BOC: variants seen among roughly 807,000 people sequenced by gnomAD.
BOC encodes brother of CDO.
In BOC, 76 loss-of-function variants were observed where a neutral mutation model predicts 112.0. The ratio of observed to expected loss-of-function variants is 0.68; its 90% confidence interval spans 0.56 to 0.82. BOC has a LOEUF of 0.82. Among genes scored for constraint, BOC ranks in the 40% least tolerant of loss-of-function variants. The pLI is 0.00. For missense variants in BOC, 1,309 were observed against 1,511.7 expected (o/e 0.87, Z 2.22); for synonymous variants, 580 against 599.8 (o/e 0.97, Z 0.48).
At chr3:113,271,102 G>T (rs1457372910) in intron 6 of BOC, 158 bp downstream of exon 6, 1 of 1,089,548 alleles carries the variant, frequency 9.2e-7, no homozygotes, top group Non-Finnish European at 1.4e-6. Context: ...CTCAGCCAGG[G>T]ATTCTCTCCC....
chr3:113,271,659 G>T (rs1948137750), intron 6 of BOC: 1 of 171,244 alleles, frequency 5.8e-6, no homozygotes, highest in Admixed American at 5.4e-5. Flanking sequence ...CTCCGAAACT[G>T]TATAAATTTC....
intron 4 of BOC, among the ~76,000 whole-genome samples, chr3:113,258,582 A>T (rs1946479993): frequency 6.6e-6 from 1 of 152,242 alleles, no homozygotes; most frequent in South Asian, 2.1e-4. Context: ...TGGCTTGGGC[A>T]TCAGGGAATC....
intron 2 of BOC, among the ~76,000 whole-genome samples, chr3:113,226,139 T>G (rs1385903952): frequency 2.6e-5 from 4 of 152,044 alleles, no homozygotes; most frequent in Non-Finnish European, 5.9e-5. Flanking sequence ...TTTCCTAATG[T>G]GGGGGGAATG....
intron 2 of BOC, among the ~76,000 whole-genome samples, chr3:113,237,300 T>G (rs1363342812): frequency 1.3e-5 from 2 of 152,156 alleles, no homozygotes; most frequent in Non-Finnish European, 2.9e-5. Flanking sequence ...ACATCTCTGC[T>G]CCCATCCCCC....
rs754727701 is a variant in BOC, at chr3:113,278,068, G to A, written c.1543-27G>A. The A allele has an allele frequency of 3.4e-5, 55 of 1,613,018 alleles. No homozygotes were observed. The highest frequency in any genetic ancestry group is 9.3e-5 in the African/African-American group (7 of 75,002). Reference sequence around the variant, plus strand: ...ACTCGTAGCCCGAGGCTGAGATGCCGGTCTTTATACCAGCTACCTTCTCCA... The same window carrying A: ...ACTCGTAGCCCGAGGCTGAGATGCCAGTCTTTATACCAGCTACCTTCTCCA... On this transcript the variant is annotated intron_variant, in intron 9 of 19. Coordinates refer to ENST00000682979, the MANE Select transcript of BOC (RefSeq NM_001378074.1). The surrounding 1 kb of genome is among the most constrained non-coding windows in gnomAD (Gnocchi z 4.2).
rs1033720946 is a variant in BOC, at chr3:113,287,289, G to A, written c.*427G>A. 3.9e-5 allele frequency: 12 copies of A among 304,996 alleles called. No individual in the cohort carries two copies. The highest frequency in any genetic ancestry group is 2.0e-4 in the African/African-American group (9 of 45,526). 18.9% of individuals were successfully genotyped at this position (304,996 alleles called of 1,614,324 possible). On this transcript the variant is annotated 3_prime_UTR_variant, in exon 20 of 20. Transcript: ENST00000682979. ...GACACCCACACAGATGGCTGGATCC[G>A]GTGCTACGGGAAACATTTTCCTAAG... is the stretch of plus-strand genomic sequence containing the variant.
At position 113,272,658 on chromosome 3, in the gene BOC, G is replaced by T. The variant is rs1948247274; in HGVS notation, c.916G>T (p.Gly306Trp). 6.2e-7 allele frequency: 1 copy of T among 1,613,748 alleles called. No individual in the cohort carries two copies. The highest frequency in any genetic ancestry group is 1.7e-5 in the Admixed American group (1 of 59,970). Reference protein sequence around the residue: ...TYRCMADNGVGQPGAAVILYN... With the variant: ...TYRCMADNGVWQPGAAVILYN... ...CCGCTGCATGGCCGACAATGGGGTT[G>T]GGCAGCCCGGGGCAGCGGTCATCCT... Residue 306 changes from glycine (G) to tryptophan (W), a missense_variant, in exon 7 of 20, where the codon GGG becomes TGG. Gly to Trp is a radical substitution (Grantham distance 184). Transcript: ENST00000682979.
intron 2 of BOC, among the ~76,000 whole-genome samples, chr3:113,235,823 T>C (rs1377942538): frequency 2.0e-5 from 3 of 152,224 alleles, no homozygotes; most frequent in Non-Finnish European, 4.4e-5. Flanking sequence ...GATGCAGGTG[T>C]GTAGGGTACG....
intron 2 of BOC, among the ~76,000 whole-genome samples, chr3:113,231,268 A>G (rs562783078): frequency 6.6e-6 from 1 of 152,338 alleles, no homozygotes; most frequent in South Asian, 2.1e-4. Context: ...TTTCCAAGGT[A>G]TTTAAAGCTA....
Position 113,229,343 on chromosome 3 carries a change from A to G in BOC, c.-82+13069A>G, listed in dbSNP as rs188842681. Among the ~76,000 whole-genome samples, 510 of 152,320 alleles carry G rather than the reference A, an allele frequency of 3.3e-3. 1 individual carries two copies. The highest frequency in any genetic ancestry group is 6.0e-3 in the Non-Finnish European group (408 of 68,030). On this transcript the variant is annotated intron_variant, in intron 2 of 19. Transcript: ENST00000682979. ...AGCTGCTGGCCTTGTTAAAGCAGTC[A>G]TTGGTGGCTTCTCAGGCTTTGATGT...
At chr3:113,217,079 G>C (rs2107581167) in intron 2 of BOC, among the ~76,000 whole-genome samples, 1 of 152,344 alleles carries the variant, frequency 6.6e-6, no homozygotes, top group East Asian at 1.9e-4. Context: ...AATGCTTGCT[G>C]TGTGCCTGGC....
At chr3:113,273,000 C>G in intron 7 of BOC, 69 bp from the exon 8 acceptor site, 1 of 1,527,208 alleles carries the variant, frequency 6.5e-7, no homozygotes, top group Non-Finnish European at 8.9e-7. Context: ...TAACTACATC[C>G]CTCCCAGCCC....
At chr3:113,238,594 C>T (rs987381710) in intron 2 of BOC, among the ~76,000 whole-genome samples, 1 of 152,152 alleles carries the variant, frequency 6.6e-6, no homozygotes, top group African/African-American at 2.4e-5. Flanking sequence ...ACGTAATAGT[C>T]CATCAATTAT....
In BOC at chr3:113,280,491, CAGTGGT is replaced by C. The variant is rs1287353261; in HGVS notation, c.2206-66_2206-61del. The C allele has an allele frequency of 3.0e-5, 34 of 1,118,116 alleles. No individual in the cohort carries two copies. The African/African-American group carries it at 4.3e-4, about 14-fold the overall frequency. The allele number at this position is 1,118,116 out of a possible 1,614,324, so 69.3% of individuals were successfully genotyped here. A position where few individuals can be genotyped will look rare whatever the true frequency, so the allele number is the denominator to read the frequency against. On this transcript the variant is annotated intron_variant, in intron 13 of 19. Transcript: ENST00000682979. ...GGACTGGGGTAGAACCTTCATACACCAGTGGTTTTGCTTTGATGATGTTTTCTCTGC... is the reference window on the plus strand; with the variant it reads ...GGACTGGGGTAGAACCTTCATACACCTTTGCTTTGATGATGTTTTCTCTGC...
intron 2 of BOC, among the ~76,000 whole-genome samples, chr3:113,238,310 T>C (rs144928557): frequency 1.6e-4 from 24 of 152,330 alleles, no homozygotes; most frequent in Non-Finnish European, 3.2e-4. Flanking sequence ...AGGCTTTGCA[T>C]TGGAATTTGA....
intron 4 of BOC, among the ~76,000 whole-genome samples, chr3:113,262,802 T>C (rs1947034260): frequency 6.6e-6 from 1 of 152,218 alleles, no homozygotes; most frequent in Admixed American, 6.5e-5. Flanking sequence ...GAGAATTGTG[T>C]TGGGACTTTT....
intron 4 of BOC, among the ~76,000 whole-genome samples, chr3:113,253,055 G>A (rs746891958): frequency 6.6e-6 from 1 of 152,118 alleles, no homozygotes; most frequent in Non-Finnish European, 1.5e-5. Context: ...ATTATAGAAT[G>A]TTTAGGATAT....
chr3:113,277,904 A>G (rs1948814341), intron 9 of BOC, among the ~76,000 whole-genome samples, 191 bp from the exon 10 acceptor site: 1 of 152,208 alleles, frequency 6.6e-6, no homozygotes, highest in African/African-American at 2.4e-5. Context: ...CCTGACTTGA[A>G]TGTCCCAGTG....
intron 2 of BOC, among the ~76,000 whole-genome samples, chr3:113,235,043 GA>G (rs1943235388): frequency 6.6e-6 from 1 of 152,212 alleles, no homozygotes; most frequent in South Asian, 2.1e-4. Context: ...AGTCAAATGG[GA>G]TTGGTTTTCC....
Sources: allele counts gnomAD v4.1 joint callset (sites outside exome capture counted in the v4.1 genomes callset), GRCh38; gene constraint gnomAD v4.1.1; non-coding constraint Gnocchi (gnomAD v3.1); transcripts MANE v1.5; gene names NCBI Gene and HGNC (gene_info 2026-07-23, HGNC 2026-07-21).